The following MARCHF8 variants were observed in gnomAD, a reference collection of about 807,000 sequenced individuals.
The protein encoded by MARCHF8 is membrane associated ring-CH-type finger 8, also known as E3 ubiquitin-protein ligase MARCHF8.
In MARCHF8, 40 loss-of-function variants were observed where a neutral mutation model predicts 51.6. The observed-to-expected ratio is 0.77, with a 90% CI of 0.60 to 1.01. MARCHF8 has a LOEUF of 1.01. Ranked by LOEUF, MARCHF8 falls within the 50% of genes least tolerant of loss-of-function variation. The pLI is 0.00. For synonymous variants in MARCHF8, 263 were observed against 280.3 expected, an observed-to-expected ratio of 0.94 and a Z score of 0.62; for missense variants, 685 against 708.6, an observed-to-expected ratio of 0.97 and a Z score of 0.38.
rs769372258 is a variant in MARCHF8 at position 45,456,615 on chromosome 10, A to G, written c.*1624T>C. On this transcript the variant is annotated 3_prime_UTR_variant, in exon 8 of 8. Transcript: ENST00000453424. ...GGATGAACGAAACGCCTAAGGCCCA[A>G]AAAGACTGAGGGCAGGACCCCCAGC... 10 of 152,264 alleles carry G rather than the reference A, an allele frequency of 6.6e-5. No individual in the cohort carries two copies. The highest frequency in any genetic ancestry group is 1.0e-4 in the Non-Finnish European group (7 of 68,096). The allele number at this position is 152,264 out of a possible 1,614,324, so 9.4% of individuals were successfully genotyped here.
intron 1 of MARCHF8, among the ~76,000 whole-genome samples, chr10:45,577,868 A>T (rs1489911396): frequency 1.3e-5 from 2 of 152,314 alleles, no homozygotes; most frequent in Non-Finnish European, 2.9e-5. Flanking sequence ...TAAAAATTTT[A>T]AAAATAGCTG....
At chr10:45,564,235 C>T (rs2044340817) in intron 1 of MARCHF8, among the ~76,000 whole-genome samples, 1 of 152,152 alleles carries the variant, frequency 6.6e-6, no homozygotes, top group African/African-American at 2.4e-5. Flanking sequence ...GATTGTGCCA[C>T]TGCACTCCAG....
At chr10:45,494,295 T>C (rs2043134144) in intron 2 of MARCHF8, among the ~76,000 whole-genome samples, 7 of 152,194 alleles carry the variant, frequency 4.6e-5, no homozygotes. Context: ...AAATACACCC[T>C]GGAAAGTAGA....
intron 2 of MARCHF8, among the ~76,000 whole-genome samples, chr10:45,504,260 A>G (rs2133158824): frequency 6.6e-6 from 1 of 152,346 alleles, no homozygotes; most frequent in East Asian, 1.9e-4. Flanking sequence ...AGCCTGACCA[A>G]CATGTAGAAA....
chr10:45,482,349 T>C (rs1307110632), intron 3 of MARCHF8, among the ~76,000 whole-genome samples: 1 of 152,012 alleles, frequency 6.6e-6, no homozygotes, highest in East Asian at 1.9e-4. Context: ...AGAGCACAAA[T>C]AGCCAAAACA....
At chr10:45,546,780 TC>T (rs2044128253) in intron 1 of MARCHF8, among the ~76,000 whole-genome samples, 2 of 118,844 alleles carry the variant, frequency 1.7e-5, no homozygotes, top group Non-Finnish European at 1.8e-5. Context: ...AGAACCTGTC[TC>T]AAAAAAAAAA....
intron 1 of MARCHF8, among the ~76,000 whole-genome samples, chr10:45,557,178 A>C (rs1322381876): frequency 8.5e-6 from 1 of 117,804 alleles, no homozygotes; most frequent in Non-Finnish European, 1.6e-5. Flanking sequence ...CCTGGACTGG[A>C]GTGCAATGGA....
chr10:45,575,256 T>C (rs2044476581), intron 1 of MARCHF8, among the ~76,000 whole-genome samples: 1 of 152,122 alleles, frequency 6.6e-6, no homozygotes, highest in Admixed American at 6.5e-5. Context: ...CACAGAGCAG[T>C]TTTTCTCCTT....
At chr10:45,500,939 C>G (rs1420050078) in intron 2 of MARCHF8, among the ~76,000 whole-genome samples, 1 of 151,660 alleles carries the variant, frequency 6.6e-6, no homozygotes, top group African/African-American at 2.4e-5. Flanking sequence ...TAGAGCCACT[C>G]TAAAAAAACT....
intron 1 of MARCHF8, among the ~76,000 whole-genome samples, chr10:45,574,097 T>TTA: frequency 6.6e-6 from 1 of 152,128 alleles, no homozygotes; most frequent in African/African-American, 2.4e-5. Context: ...CCTTAAACCG[T>TTA]AGTATAGTAT....
rs1047681560 is a variant in MARCHF8 at position 45,519,680 on chromosome 10, A to G, written c.102+13430T>C. ...TCTCTTGACTTTTCTCCAACCATTT[A>G]AAAATGTAAAAACCGTTTTTAGCTG... On this transcript the variant is annotated intron_variant, in intron 2 of 7. Coordinates refer to ENST00000453424, the MANE Select transcript of MARCHF8 (RefSeq NM_001282866.2). Among the ~76,000 whole-genome samples the G allele has an allele frequency of 5.3e-5, 8 of 152,340 alleles. No individual in the cohort carries two copies. In the East Asian group the frequency reaches 1.2e-3, roughly 22 times the overall value.
intron 1 of MARCHF8, among the ~76,000 whole-genome samples, chr10:45,563,610 A>T (rs1396942789): frequency 6.6e-6 from 1 of 152,212 alleles, no homozygotes; most frequent in Non-Finnish European, 1.5e-5. Flanking sequence ...TTGTATTTTT[A>T]AAAGGAACAA....
chr10:45,549,010 A>G (rs11239556), intron 1 of MARCHF8, among the ~76,000 whole-genome samples: 27,305 of 150,766 alleles, frequency 0.18, 3,159 homozygotes, highest in South Asian at 0.35. Context: ...AAAAAAAAAA[A>G]GAAAGAAAAG....
intron 3 of MARCHF8, among the ~76,000 whole-genome samples, chr10:45,480,796 G>C (rs759554636): frequency 5.3e-5 from 8 of 152,252 alleles, no homozygotes; most frequent in Non-Finnish European, 1.0e-4. Flanking sequence ...TGCTAGGGCA[G>C]TGTGAAAGGG....
intron 1 of MARCHF8, among the ~76,000 whole-genome samples, chr10:45,560,518 T>C (rs2044298274): frequency 6.6e-6 from 1 of 152,154 alleles, no homozygotes. Context: ...CCATTGTCAT[T>C]AAATCCGTGC....
Position 45,458,298 on chromosome 10 carries a change from T to C in MARCHF8, c.1663A>G (p.Thr555Ala), listed in dbSNP as rs1274305802. Residue 555 changes from threonine to alanine, a missense_variant, in exon 8 of 8, where the codon ACA becomes GCA. By Grantham distance (58) the Thr-to-Ala change is moderately conservative. Transcript: ENST00000453424. Reference protein sequence around the residue: ...KHGYGICHSDTNSSCCTEPED... With the variant: ...KHGYGICHSDANSSCCTEPED... Reference sequence around the variant, plus strand: ...GGCTCTGTGCAACAAGAAGAGTTTGTGTCGGAATGACAGATTCCATATCCA... The same window carrying C: ...GGCTCTGTGCAACAAGAAGAGTTTGCGTCGGAATGACAGATTCCATATCCA... 1 of 1,614,140 alleles carries C rather than the reference T, an allele frequency of 6.2e-7. No homozygotes were observed. The highest frequency in any genetic ancestry group is 8.5e-7 in the Non-Finnish European group (1 of 1,180,034).
intron 3 of MARCHF8, among the ~76,000 whole-genome samples, chr10:45,483,943 G>A (rs1429217934): frequency 6.6e-6 from 1 of 151,976 alleles, no homozygotes; most frequent in Non-Finnish European, 1.5e-5. Context: ...TTGGTTAATG[G>A]GTACAAAAAT....
intron 1 of MARCHF8, among the ~76,000 whole-genome samples, chr10:45,560,525 GTGC>G (rs1564516581): frequency 1.3e-5 from 2 of 152,130 alleles, no homozygotes; most frequent in African/African-American, 4.8e-5. Context: ...CATTAAATCC[GTGC>G]TGAATAAATG....
intron 3 of MARCHF8, among the ~76,000 whole-genome samples, chr10:45,471,892 A>G (rs2042698333): frequency 6.6e-6 from 1 of 152,238 alleles, no homozygotes; most frequent in South Asian, 2.1e-4. Flanking sequence ...TGACCTAGAG[A>G]GTAAACCTGC....
Sources: gnomAD v4.1 joint callset for allele counts (sites outside exome capture counted in the v4.1 genomes callset) on GRCh38, gnomAD v4.1.1 for gene constraint, MANE v1.5 for transcripts, NCBI Gene and HGNC (gene_info 2026-07-23, HGNC 2026-07-21) for gene names.